The following RBBP5 variants were observed in gnomAD, a reference collection of about 807,000 sequenced individuals.
RBBP5 encodes the protein RB binding protein 5, histone lysine methyltransferase complex subunit.
Under a neutral mutation model 72.2 loss-of-function variants are expected in RBBP5, and 5 were observed. The observed-to-expected ratio is 0.07, with a 90% CI of 0.04 to 0.15. The LOEUF is 0.15. Ranked by LOEUF, RBBP5 falls within the 10% of genes least tolerant of loss-of-function variation. The pLI is 1.00. For synonymous variants in RBBP5, 209 were observed against 237.2 expected (o/e 0.88, Z 1.09); for missense variants, 322 against 652.2 (o/e 0.49, Z 5.51).
chr1:205,116,079 C>T (rs373859609), intron 1 of RBBP5, 196 bp from the exon 2 acceptor site: 343 of 1,137,924 alleles, frequency 3.0e-4, no homozygotes, highest in East Asian at 4.2e-4. Flanking sequence ...CGGAAATATA[C>T]AGATGCGTTT....
Position 205,100,168 on chromosome 1 carries a change from G to C in RBBP5, c.736C>G (p.Gln246Glu). The change falls in exon 7 of 14, where the codon CAG becomes GAG. Residue 246 changes from glutamine to glutamate, a missense_variant. By Grantham distance (29) the Gln-to-Glu change is conservative (BLOSUM62 2). Around this residue, in one of 6 missense-constraint regions of RBBP5, gnomAD observed 161 missense variants for 327.8 expected, o/e 0.49. Transcript: ENST00000264515. The stretch of plus-strand genomic sequence containing the variant: ...GATACATACCTATTCACCAAATCCT[G>C]CAATTTCTGCATAGGTTCAGGCTCT... Reference protein sequence around the residue: ...DGEPEPMQKLQDLVNRTPWKK... With the variant: ...DGEPEPMQKLEDLVNRTPWKK... The C allele has an allele frequency of 6.2e-7, 1 of 1,614,124 alleles. No individual in the cohort carries two copies. The highest frequency in any genetic ancestry group is 8.5e-7 in the Non-Finnish European group (1 of 1,180,030).
intron 6 of RBBP5, 143 bp downstream of exon 6, chr1:205,101,457 C>T: frequency 1.8e-6 from 1 of 553,026 alleles, no homozygotes; most frequent in Non-Finnish European, 3.1e-6. Flanking sequence ...ACTCGAAAAC[C>T]AGATATTGTA....
chr1:205,101,190 A>G (rs527932576), intron 6 of RBBP5, among the ~76,000 whole-genome samples: 1 of 152,364 alleles, frequency 6.6e-6, no homozygotes, highest in South Asian at 2.1e-4. Flanking sequence ...TTCTGTTGAT[A>G]TATTCTACGA....
At chr1:205,110,514 T>C (rs747608692) in intron 3 of RBBP5, among the ~76,000 whole-genome samples, 4 of 152,188 alleles carry the variant, frequency 2.6e-5, no homozygotes, top group Non-Finnish European at 5.9e-5. Flanking sequence ...TAGACACAAC[T>C]ATATAAAATA....
intron 12 of RBBP5, among the ~76,000 whole-genome samples, chr1:205,095,798 A>G (rs1655588384): frequency 6.6e-6 from 1 of 152,208 alleles, no homozygotes; most frequent in Admixed American, 6.5e-5. Context: ...AAAGTCAGCA[A>G]TGGTACATAT....
intron 13 of RBBP5, among the ~76,000 whole-genome samples, chr1:205,093,550 A>G (rs1463258756): frequency 3.5e-5 from 4 of 114,126 alleles, no homozygotes; most frequent in African/African-American, 9.5e-5. Context: ...ACACACACAC[A>G]CACACACACA....
rs770734383 is a variant in RBBP5, at chr1:205,100,003, G to C, written c.814C>G (p.Arg272Gly). 6.2e-7 allele frequency: 1 copy of C among 1,614,118 alleles called. No individual in the cohort carries two copies. The change falls in exon 8 of 14, where the codon CGG (arginine) becomes GGG (glycine). Residue 272 changes from arginine to glycine, a missense_variant. Coordinates refer to ENST00000264515, the MANE Select transcript of RBBP5 (RefSeq NM_005057.4). ...DGEYIVAGSA[R>G]QHALYIWEKS... ...TCCCAGATGTACAGGGCATGCTGCC[G>C]GGCAGAACCTGCCACGATGTATTCC...
intron 4 of RBBP5, among the ~76,000 whole-genome samples, 180 bp downstream of exon 4, chr1:205,104,848 A>G (rs1201268244): frequency 6.6e-6 from 1 of 152,286 alleles, no homozygotes; most frequent in African/African-American, 2.4e-5. Context: ...AAAAAAAAGA[A>G]AGAAAGAAAG....
chr1:205,089,979 G>A (rs1655279840), intron 13 of RBBP5, among the ~76,000 whole-genome samples: 1 of 152,068 alleles, frequency 6.6e-6, no homozygotes, highest in African/African-American at 2.4e-5. Context: ...AACCTCCTAA[G>A]TAGCTGGGAT....
At chr1:205,116,199 C>T (rs1574719452) in intron 1 of RBBP5, 1 of 442,136 alleles carries the variant, frequency 2.3e-6, no homozygotes, top group East Asian at 4.4e-5. Flanking sequence ...GTAAAAATGT[C>T]ACAACAGTGG....
At position 205,115,977 on chromosome 1, in the gene RBBP5, G is replaced by A. The variant is rs1246610834; in HGVS notation, c.20-94C>T. 9 of 1,611,976 alleles carry A rather than the reference G, an allele frequency of 5.6e-6. No homozygotes were observed. The South Asian group carries it at 6.6e-5, about 12-fold the overall frequency. On this transcript the variant is annotated intron_variant, in intron 1 of 13. Transcript: ENST00000264515. ...AGTGTATAGCAGTGGCTGACAAAAC[G>A]AAAAGGGGGATATGATGCCCTTTCA...
In RBBP5 at chr1:205,096,193, A is replaced by G. The variant is rs192708786; in HGVS notation, c.1396+489T>C. 3.0e-4 allele frequency among the ~76,000 whole-genome samples: 46 copies of G among 152,192 alleles called. No homozygotes were observed. In the East Asian group the frequency reaches 8.7e-3, roughly 29 times the overall value. On this transcript the variant is annotated intron_variant, in intron 12 of 13. Coordinates refer to ENST00000264515, the MANE Select transcript of RBBP5 (RefSeq NM_005057.4). ...GGGCAACAGAGCGAGACCCTGTCTC[A>G]AAAAAATAAAATAAAATAAAATAAA...
At chr1:205,118,203 C>G (rs945264950) in intron 1 of RBBP5, among the ~76,000 whole-genome samples, 2 of 152,186 alleles carry the variant, frequency 1.3e-5, no homozygotes, top group Non-Finnish European at 2.9e-5. Context: ...CTCCTCTTAG[C>G]TCTATTTACG....
chr1:205,106,783 A>G (rs1249962767), intron 3 of RBBP5, among the ~76,000 whole-genome samples: 1 of 152,214 alleles, frequency 6.6e-6, no homozygotes, highest in Non-Finnish European at 1.5e-5. Context: ...ATTATAATGC[A>G]GCCATCATAA....
intron 4 of RBBP5, 41 bp downstream of exon 4, chr1:205,104,987 G>C: frequency 6.2e-7 from 1 of 1,603,888 alleles, no homozygotes; most frequent in Non-Finnish European, 8.5e-7. Flanking sequence ...AATCCATATA[G>C]AATTAGACCC....
chr1:205,093,479 AATATAT>A (rs1204598107), intron 13 of RBBP5, among the ~76,000 whole-genome samples: 2 of 7,836 alleles, frequency 2.6e-4, no homozygotes, highest in Non-Finnish European at 3.1e-4. Flanking sequence ...AAAAAAAAAA[AATATAT>A]ATATATATAT....
chr1:205,114,559 A>G (rs1329162188), intron 3 of RBBP5, among the ~76,000 whole-genome samples: 1 of 152,152 alleles, frequency 6.6e-6, no homozygotes, highest in Non-Finnish European at 1.5e-5. Context: ...TCATTTCAGT[A>G]TTGAGATATT....
In RBBP5 at chr1:205,096,819, G is replaced by A. The variant is rs146021606; in HGVS notation, c.1259C>T (p.Pro420Leu). The change falls in exon 12 of 14, where the codon CCG becomes CTG. Residue 420 changes from proline to leucine, a missense_variant. Around this residue, in one of 6 missense-constraint regions of RBBP5, gnomAD observed 109 missense variants for 146.3 expected, o/e 0.75. Transcript: ENST00000264515. Reference protein sequence around the residue: ...DPEENPYGPPPDAVQTSLMDE... With the variant: ...DPEENPYGPPLDAVQTSLMDE... ...CATCAAGGAGGTTTGGACTGCATCC[G>A]GTGGGGGGCCGTAAGGATTTTCTTC... 8.7e-6 allele frequency: 14 copies of A among 1,614,166 alleles called. No homozygotes were observed. The highest frequency in any genetic ancestry group is 4.5e-5 in the East Asian group (2 of 44,878).
chr1:205,097,269 C>T, intron 11 of RBBP5, 57 bp downstream of exon 11: 1 of 1,483,606 alleles, frequency 6.7e-7, no homozygotes, highest in Non-Finnish European at 9.2e-7. Context: ...GCAGAGTACT[C>T]CCCCAGAGGC....
Sources: gnomAD v4.1 joint callset for allele counts (sites outside exome capture counted in the v4.1 genomes callset) on GRCh38, gnomAD v4.1.1 for gene constraint, gnomAD v4.1.1 regional missense constraint, MANE v1.5 for transcripts, NCBI Gene and HGNC (gene_info 2026-07-23, HGNC 2026-07-21) for gene names.